KCNK2: variants seen among roughly 807,000 people sequenced by gnomAD.
The protein encoded by KCNK2 is potassium two pore domain channel subfamily K member 2, also known as potassium channel subfamily K member 2.
In KCNK2, 21 loss-of-function variants were observed where a neutral mutation model predicts 40.5. The ratio of observed to expected loss-of-function variants is 0.52; its 90% CI spans 0.37 to 0.75. The LOEUF (loss-of-function observed/expected upper bound fraction) is 0.75. Ranked by LOEUF, KCNK2 falls within the 30% of genes least tolerant of loss-of-function variation. The pLI is 0.00. For missense variants in KCNK2, 399 were observed against 531.6 expected (o/e 0.75, Z 2.45); for synonymous variants, 191 against 202.2 (o/e 0.94, Z 0.47).
chr1:215,197,227 G>A lies in KCNK2; in HGVS notation c.963+2135G>A, dbSNP rs1015244. ...TTGTGATAGGACTAGCTGGGTCAAA[G>A]AATTAGCATACTTTTCCAAAGTAAT... On this transcript the variant is annotated intron_variant, in intron 6 of 6. Transcript: ENST00000444842. Among the ~76,000 whole-genome samples, 3 of 152,226 alleles carry A rather than the reference G, an allele frequency of 2.0e-5. No homozygotes were observed. The East Asian group carries it at 5.8e-4, about 29-fold the overall frequency.
chr1:215,218,942 T>C (rs1055457671), intron 6 of KCNK2, among the ~76,000 whole-genome samples: 12 of 152,352 alleles, frequency 7.9e-5, no homozygotes, highest in Non-Finnish European at 1.0e-4. Context: ...TTATTGATCA[T>C]ACAAAACCTT....
intron 2 of KCNK2, among the ~76,000 whole-genome samples, chr1:215,119,041 A>G (rs757374541): frequency 4.6e-5 from 7 of 152,178 alleles, no homozygotes; most frequent in Non-Finnish European, 8.8e-5. Flanking sequence ...TTGTGTTTTA[A>G]GATCCACAAT....
intron 1 of KCNK2, among the ~76,000 whole-genome samples, chr1:215,050,866 G>T (rs1230850361): frequency 6.6e-6 from 1 of 152,138 alleles, no homozygotes; most frequent in Non-Finnish European, 1.5e-5. Context: ...GAACAAAGTT[G>T]AGTTTATTAG....
intron 1 of KCNK2, among the ~76,000 whole-genome samples, chr1:215,017,422 A>T (rs186680216): frequency 6.6e-6 from 1 of 152,248 alleles, no homozygotes; most frequent in African/African-American, 2.4e-5. Context: ...AAAAAGTAGG[A>T]TATCTTATCA....
At chr1:215,016,779 G>A (rs1423961325) in intron 1 of KCNK2, among the ~76,000 whole-genome samples, 3 of 152,022 alleles carry the variant, frequency 2.0e-5, no homozygotes, top group Non-Finnish European at 4.4e-5. Flanking sequence ...CTTCTGAACA[G>A]CAAAGGAAAC....
intron 3 of KCNK2, among the ~76,000 whole-genome samples, chr1:215,159,762 C>T (rs2102622723): frequency 6.6e-6 from 1 of 152,104 alleles, no homozygotes; most frequent in African/African-American, 2.4e-5. Context: ...TTATTAATTG[C>T]AAAAGAAAAG....
At chr1:215,123,235 C>T (rs1166146327) in intron 2 of KCNK2, among the ~76,000 whole-genome samples, 2 of 151,452 alleles carry the variant, frequency 1.3e-5, no homozygotes, top group East Asian at 3.9e-4. Flanking sequence ...TAAAAAAAAC[C>T]TGCATGTGGA....
chr1:215,079,020 T>C (rs1039306969), upstream of KCNK2, among the ~76,000 whole-genome samples: 6 of 152,200 alleles, frequency 3.9e-5, no homozygotes, highest in African/African-American at 1.4e-4. Flanking sequence ...TGAAGTCCTG[T>C]AGATTTCATG....
chr1:215,167,630 A>G (rs933918858), intron 3 of KCNK2, among the ~76,000 whole-genome samples: 5 of 152,164 alleles, frequency 3.3e-5, no homozygotes, highest in African/African-American at 1.2e-4. Flanking sequence ...AATAATTTTA[A>G]GTTTTTAGAT....
chr1:215,150,718 A>G (rs1662650758), intron 3 of KCNK2, among the ~76,000 whole-genome samples: 1 of 151,998 alleles, frequency 6.6e-6, no homozygotes, highest in African/African-American at 2.4e-5. Context: ...GCATTCAGCT[A>G]TTTTACTAAG....
intron 3 of KCNK2, among the ~76,000 whole-genome samples, chr1:215,138,086 A>G (rs1662009507): frequency 6.6e-6 from 1 of 152,234 alleles, no homozygotes; most frequent in African/African-American, 2.4e-5. Context: ...AAAATACTGT[A>G]TTAGAAACGT....
chr1:215,218,256 A>G lies in KCNK2; in HGVS notation c.964-16572A>G, dbSNP rs1666035134. On this transcript the variant is annotated intron_variant, in intron 6 of 6. Transcript: ENST00000444842. ...GGGAGTGGATATTGACCTACAGCAAAGGTTAAAGTGCTGGGAAGTCTGAAG... is the reference window on the plus strand; with the variant it reads ...GGGAGTGGATATTGACCTACAGCAAGGGTTAAAGTGCTGGGAAGTCTGAAG... 2.0e-5 allele frequency among the ~76,000 whole-genome samples: 3 copies of G among 152,200 alleles called. No homozygotes were observed. In the South Asian group the frequency reaches 6.2e-4, roughly 31 times the overall value.
chr1:215,095,707 T>C (rs1241486923), intron 2 of KCNK2, among the ~76,000 whole-genome samples: 1 of 152,058 alleles, frequency 6.6e-6, no homozygotes, highest in African/African-American at 2.4e-5. Flanking sequence ...ATCAGATTTA[T>C]GATCTGTGCC....
chr1:215,209,981 T>A (rs1347714078), intron 6 of KCNK2, among the ~76,000 whole-genome samples: 8 of 6,582 alleles, frequency 1.2e-3, no homozygotes. Context: ...TTATATATAT[T>A]ATATATAATA....
chr1:215,086,422 G>C lies in KCNK2; in HGVS notation c.101G>C (p.Arg34Thr). The change falls in exon 2 of 7, where the codon AGG becomes ACG. Residue 34 changes from arginine to threonine, a missense_variant. This residue lies in a region of KCNK2 where 279 missense variants were observed against 353.8 expected (regional missense o/e 0.79). Transcript: ENST00000444842. ...TCTGCCGCTCAGAACTCCAAACCGA[G>C]GCTCTCGTTTTCCACGAAACCCACA... ...PKSAAQNSKPRLSFSTKPTVL... is the reference protein window; with the variant it reads ...PKSAAQNSKPTLSFSTKPTVL... 1 of 1,614,146 alleles carries C rather than the reference G, an allele frequency of 6.2e-7. No homozygotes were observed. The highest frequency in any genetic ancestry group is 1.1e-5 in the South Asian group (1 of 91,078).
In KCNK2 at chr1:215,106,187, C is replaced by G. The variant is rs1660432706; in HGVS notation, c.358-18446C>G. On this transcript the variant is annotated intron_variant, in intron 2 of 6. Coordinates refer to ENST00000444842, the MANE Select transcript of KCNK2 (RefSeq NM_001017425.3). Reference sequence around the variant, plus strand: ...CAAACTGCTTTCCACGGTGACTGAACTAATTTACATTTCCACCAACAATGT... The same window carrying G: ...CAAACTGCTTTCCACGGTGACTGAAGTAATTTACATTTCCACCAACAATGT... Among the ~76,000 whole-genome samples, 3 of 152,112 alleles carry G rather than the reference C, an allele frequency of 2.0e-5. No homozygotes were observed. In the South Asian group the frequency reaches 6.2e-4, roughly 32 times the overall value.
intron 1 of KCNK2, among the ~76,000 whole-genome samples, chr1:215,022,937 G>C (rs1321425287): frequency 6.6e-6 from 1 of 152,174 alleles, no homozygotes; most frequent in African/African-American, 2.4e-5. Context: ...GAATCTAAAA[G>C]AGACTTTATT....
Position 215,083,203 on chromosome 1 carries a change from C to CCCCCCCTCCCCCGGCCAG in KCNK2, c.-183_-182insCCCCCCTCCCCCGGCCAG. The CCCCCCCTCCCCCGGCCAG allele has an allele frequency of 1.2e-6, 1 of 804,904 alleles. No individual in the cohort carries two copies. Among genetic ancestry groups the CCCCCCCTCCCCCGGCCAG allele is most frequent in the South Asian group, 1.5e-5 (1 of 65,592 alleles). 49.9% of individuals were successfully genotyped at this position (804,904 alleles called of 1,614,324 possible). A position where few individuals can be genotyped will look rare whatever the true frequency, so the allele number is the denominator to read the frequency against. On this transcript the variant is annotated 5_prime_UTR_variant, in exon 1 of 7. Transcript: ENST00000444842. ...TCGTTTCTTCTCACGCTCCCCCCCC[C>CCCCCCCTCCCCCGGCCAG]GCCCCCTCCCGCGTCCAGCCCCGCT...
At chr1:215,086,907 C>T (rs1481112248) in intron 2 of KCNK2, among the ~76,000 whole-genome samples, 2 of 152,202 alleles carry the variant, frequency 1.3e-5, no homozygotes, top group East Asian at 1.9e-4. Context: ...TTAGTTCTCT[C>T]TCCCAGTGTT....
Sources: gnomAD v4.1 joint callset for allele counts (sites outside exome capture counted in the v4.1 genomes callset) on GRCh38, gnomAD v4.1.1 for gene constraint, gnomAD v4.1.1 regional missense constraint, MANE v1.5 for transcripts, NCBI Gene and HGNC (gene_info 2026-07-23, HGNC 2026-07-21) for gene names.